The following CNTN5 variants were observed in gnomAD, a reference collection of about 807,000 sequenced individuals.
CNTN5 encodes contactin-5.
A neutral mutation model predicts 129.1 loss-of-function variants in CNTN5; 77 were observed. The observed-to-expected ratio is 0.60, with a 90% CI of 0.50 to 0.72. CNTN5 has a LOEUF of 0.72. Ranked by LOEUF, CNTN5 falls within the 30% of genes least tolerant of loss-of-function variation. The pLI, the probability that CNTN5 is intolerant of heterozygous loss-of-function variation, is 0.00. For missense variants in CNTN5, 1,478 were observed against 1,328.8 expected (o/e 1.11, Z -1.75); for synonymous variants, 509 against 465.6 (o/e 1.09, Z -1.20).
At chr11:99,049,908 T>A (rs1864359910) in intron 1 of CNTN5, 1 of 152,188 alleles carries the variant, frequency 6.6e-6, no homozygotes, top group Non-Finnish European at 1.5e-5. Context: ...TTTCCATGTT[T>A]TCCAATTTAA....
At chr11:99,598,229 C>T (rs1273205678) in intron 3 of CNTN5, among the ~76,000 whole-genome samples, 1 of 149,834 alleles carries the variant, frequency 6.7e-6, no homozygotes, top group African/African-American at 2.5e-5. Flanking sequence ...CTTCCTTCCT[C>T]CCTTCTTTCC....
At chr11:99,378,592 G>A (rs778839419) in intron 2 of CNTN5, among the ~76,000 whole-genome samples, 2 of 151,978 alleles carry the variant, frequency 1.3e-5, no homozygotes, top group Non-Finnish European at 2.9e-5. Context: ...ATTTTGCACA[G>A]ACTTCATATA....
At position 99,816,270 on chromosome 11, in the gene CNTN5, A is replaced by T. The variant is rs528339635; in HGVS notation, c.56-3274A>T. On this transcript the variant is annotated intron_variant, in intron 3 of 24. Transcript: ENST00000524871. ...TGTTGGTCAAAATTCCATTTTCAAC[A>T]CCCTATTTCTTATTTCACATACTTC... 1.1e-3 allele frequency among the ~76,000 whole-genome samples: 173 copies of T among 152,096 alleles called. 1 individual carries two copies. The highest frequency in any genetic ancestry group is 2.1e-3 in the Non-Finnish European group (141 of 68,026).
intron 13 of CNTN5, among the ~76,000 whole-genome samples, chr11:100,124,118 A>G (rs1386748979): frequency 6.6e-6 from 1 of 151,842 alleles, no homozygotes; most frequent in East Asian, 1.9e-4. Flanking sequence ...ATTTCCAGAA[A>G]CCCTCTGAGG....
rs375313302 is a variant in CNTN5 at position 100,025,758 on chromosome 11, T to A, written c.980+23622T>A. ...CTCACTGGATTTTGGACTTGTATGG[T>A]GCCTGTAGCCCCATTGTTTCAGCCA... On this transcript the variant is annotated intron_variant, in intron 9 of 24. Transcript: ENST00000524871. Among the ~76,000 whole-genome samples the A allele has an allele frequency of 2.0e-5, 3 of 152,208 alleles. No homozygotes were observed. The East Asian group carries it at 5.8e-4, about 29-fold the overall frequency.
At chr11:100,069,652 A>G (rs1461883399) in intron 10 of CNTN5, among the ~76,000 whole-genome samples, 1 of 152,230 alleles carries the variant, frequency 6.6e-6, no homozygotes, top group Non-Finnish European at 1.5e-5. Context: ...AGCCCTCAGT[A>G]GCACATATAA....
chr11:99,644,932 C>T (rs573344089), intron 3 of CNTN5, among the ~76,000 whole-genome samples: 56 of 151,688 alleles, frequency 3.7e-4, no homozygotes, highest in African/African-American at 1.3e-3. Flanking sequence ...GAAACTGTTT[C>T]CAAACTTTAA....
intron 9 of CNTN5, among the ~76,000 whole-genome samples, chr11:100,053,250 A>G (rs927396304): frequency 9.9e-5 from 15 of 151,748 alleles, no homozygotes; most frequent in African/African-American, 3.4e-4. Context: ...GATTAAAAGA[A>G]CTTCATCAAA....
At chr11:99,928,380 T>A (rs950057087) in intron 7 of CNTN5, among the ~76,000 whole-genome samples, 21 of 152,202 alleles carry the variant, frequency 1.4e-4, no homozygotes, top group African/African-American at 4.3e-4. Flanking sequence ...CACATTTGCC[T>A]TCCACACTGC....
intron 20 of CNTN5, among the ~76,000 whole-genome samples, chr11:100,300,739 G>C (rs1026690340): frequency 1.3e-5 from 2 of 151,510 alleles, no homozygotes; most frequent in Admixed American, 6.6e-5. Context: ...AGAATAACCA[G>C]GGAAGTGAAA....
intron 1 of CNTN5, among the ~76,000 whole-genome samples, chr11:99,230,897 G>C (rs1226302059): frequency 6.6e-6 from 1 of 152,072 alleles, no homozygotes; most frequent in Non-Finnish European, 1.5e-5. Context: ...AAGTGAAAAC[G>C]TGTGGTGTTT....
chr11:100,317,447 T>C (rs1951592949), intron 21 of CNTN5, among the ~76,000 whole-genome samples: 1 of 152,182 alleles, frequency 6.6e-6, no homozygotes, highest in South Asian at 2.1e-4. Context: ...GGCTTTTTAT[T>C]AATACTACAT....
chr11:99,208,836 AAGG>A (rs1249014973), intron 1 of CNTN5, among the ~76,000 whole-genome samples: 3 of 152,134 alleles, frequency 2.0e-5, no homozygotes, highest in African/African-American at 7.2e-5. Flanking sequence ...TATTAAATGC[AAGG>A]AGGTTACTGG....
chr11:99,227,227 G>C (rs1347991480), intron 1 of CNTN5, among the ~76,000 whole-genome samples: 2 of 151,958 alleles, frequency 1.3e-5, no homozygotes, highest in African/African-American at 4.8e-5. Flanking sequence ...AGGTGTGGTG[G>C]CGCTTGCCTG....
rs1946894776 is a variant in CNTN5 at position 99,512,909 on chromosome 11, A to G, written c.-70-43236A>G. 2.0e-5 allele frequency among the ~76,000 whole-genome samples: 3 copies of G among 152,154 alleles called. No homozygotes were observed. The South Asian group carries it at 6.2e-4, about 31-fold the overall frequency. On this transcript the variant is annotated intron_variant, in intron 2 of 24. Coordinates refer to ENST00000524871, the MANE Select transcript of CNTN5 (RefSeq NM_014361.4). Reference sequence around the variant, plus strand: ...TCTAAGTGTTCAAGTAAAAGGAAAAATAGCATGTTTCTCATTTTAAATCAA... The same window carrying G: ...TCTAAGTGTTCAAGTAAAAGGAAAAGTAGCATGTTTCTCATTTTAAATCAA...
At chr11:99,992,714 C>T (rs531512060) in intron 8 of CNTN5, among the ~76,000 whole-genome samples, 10 of 152,114 alleles carry the variant, frequency 6.6e-5, no homozygotes, top group South Asian at 2.1e-4. Flanking sequence ...CTCTAAATTA[C>T]GTGCCACTTA....
intron 21 of CNTN5, among the ~76,000 whole-genome samples, chr11:100,340,114 G>A (rs1952127738): frequency 6.6e-6 from 1 of 152,168 alleles, no homozygotes; most frequent in Non-Finnish European, 1.5e-5. Context: ...GTTTTGAATG[G>A]TAAATTGTTC....
intron 3 of CNTN5, among the ~76,000 whole-genome samples, chr11:99,769,730 C>G (rs1050284193): frequency 5.3e-5 from 8 of 150,720 alleles, no homozygotes; most frequent in African/African-American, 1.9e-4. Context: ...GGGAGAATTG[C>G]TTTAACCCAG....
chr11:99,192,014 G>T (rs774810500), intron 1 of CNTN5, among the ~76,000 whole-genome samples: 1 of 151,676 alleles, frequency 6.6e-6, no homozygotes, highest in African/African-American at 2.4e-5. Context: ...CAACTAACTT[G>T]AGTTGTATTT....
Sources: allele counts gnomAD v4.1 joint callset (sites outside exome capture counted in the v4.1 genomes callset), GRCh38; gene constraint gnomAD v4.1.1; transcripts MANE v1.5; gene names NCBI Gene and HGNC (gene_info 2026-07-23, HGNC 2026-07-21).